Variants in EMX1 observed in about 807,000 individuals in gnomAD.
EMX1 encodes the protein homeobox protein EMX1.
A neutral mutation model predicts 20.1 loss-of-function variants in EMX1; 10 were observed. The observed-to-expected ratio is 0.50, with a 90% CI of 0.31 to 0.84. The LOEUF (loss-of-function observed/expected upper bound fraction) is 0.84. EMX1 is among the 40% of genes least tolerant of loss of function. The pLI is 0.05. For synonymous variants in EMX1, 250 were observed against 200.4 expected (o/e 1.25, Z -2.09); for missense variants, 424 against 431.9 (o/e 0.98, Z 0.16).
At chr2:72,928,277 T>C (rs138308192) in intron 2 of EMX1, among the ~76,000 whole-genome samples, 1 of 152,370 alleles carries the variant, frequency 6.6e-6, no homozygotes, top group Non-Finnish European at 1.5e-5. Flanking sequence ...GCTTCAGTCC[T>C]GGTGGCTGGT....
At chr2:72,931,750 G>C (rs1393362107) in intron 2 of EMX1, among the ~76,000 whole-genome samples, 1 of 152,244 alleles carries the variant, frequency 6.6e-6, no homozygotes, top group Non-Finnish European at 1.5e-5. Flanking sequence ...TCCATCCATC[G>C]AGGCCGGGCA....
chr2:72,933,548 A>G (rs996163808), intron 2 of EMX1: 3 of 537,016 alleles, frequency 5.6e-6, no homozygotes, highest in Non-Finnish European at 9.9e-6. Flanking sequence ...TTTGAGAGGA[A>G]CAGGAAAACC....
intron 2 of EMX1, 89 bp downstream of exon 2, chr2:72,924,582 C>T: frequency 4.3e-6 from 6 of 1,406,748 alleles, no homozygotes; most frequent in Non-Finnish European, 5.6e-6. Context: ...TGAGCCCGCC[C>T]CAGCCCAGCC....
chr2:72,920,400 C>T (rs1202549522), intron 1 of EMX1, among the ~76,000 whole-genome samples: 1 of 152,218 alleles, frequency 6.6e-6, no homozygotes, highest in African/African-American at 2.4e-5. Context: ...TTTTCGGACC[C>T]GGAAATCCGT....
At chr2:72,916,810 G>A, upstream of EMX1, 1 of 717,266 alleles carries the variant, frequency 1.4e-6, no homozygotes, top group Non-Finnish European at 2.6e-6. Flanking sequence ...ATCTCCCAGT[G>A]CCGAGGCCCG....
At chr2:72,918,714 A>G (rs1671044108) in intron 1 of EMX1, among the ~76,000 whole-genome samples, 1 of 150,732 alleles carries the variant, frequency 6.6e-6, no homozygotes, top group South Asian at 2.1e-4. Flanking sequence ...CCAGAGTACA[A>G]CTCCTCCCGC....
rs750833859 is a variant in EMX1, at chr2:72,924,289, C to G, written c.521-20C>G. Reference sequence around the variant, plus strand: ...CTCTGTCTGTACCTGCGTGTGTTGCCGTCGGCGGCGGGGCCGCAGCCAGCG... The same window carrying G: ...CTCTGTCTGTACCTGCGTGTGTTGCGGTCGGCGGCGGGGCCGCAGCCAGCG... On this transcript the variant is annotated intron_variant, in intron 1 of 2. Coordinates refer to ENST00000258106, the MANE Select transcript of EMX1 (RefSeq NM_004097.3). The G allele has an allele frequency of 1.9e-5, 29 of 1,556,098 alleles. No homozygotes were observed. The African/African-American group carries it at 3.0e-4, about 16-fold the overall frequency.
intron 2 of EMX1, 115 bp downstream of exon 2, chr2:72,924,608 AG>A: frequency 7.9e-7 from 1 of 1,261,958 alleles, no homozygotes; most frequent in Non-Finnish European, 1.1e-6. Context: ...GGGTTCCAAA[AG>A]GCCCCCATTC....
rs1671155873 is a variant in EMX1 at position 72,924,316 on chromosome 2, C to T, written c.528C>T (p.Asp176=). ...TCGGCGGCGGGGCCGCAGCCAGCGA[C>T]GTGCCCCAGGACGGGCTGCTTCTGC... The part of the protein sequence containing the change: ...RFFGHRFQAS[D]VPQDGLLLHG... Residue 176 remains aspartate, a synonymous_variant, in exon 2 of 3, where the codon GAC becomes GAT. Coordinates refer to ENST00000258106, the MANE Select transcript of EMX1 (RefSeq NM_004097.3). 2 of 1,566,696 alleles carry T rather than the reference C, an allele frequency of 1.3e-6. No homozygotes were observed. The highest frequency in any genetic ancestry group is 4.6e-5 in the East Asian group (2 of 43,430).
upstream of EMX1, chr2:72,916,413 A>AGGTG: frequency 2.0e-6 from 1 of 492,522 alleles, no homozygotes; most frequent in Non-Finnish European, 3.6e-6. Context: ...TGCGCCGGCA[A>AGGTG]GGTCCAGGTC....
chr2:72,917,333 C>A, upstream of EMX1: 1 of 408,454 alleles, frequency 2.4e-6, no homozygotes, highest in Non-Finnish European at 4.3e-6. Context: ...AGGGCGGAGT[C>A]GCGAGGAGAA....
chr2:72,919,180 TAC>T (rs70963149), intron 1 of EMX1, among the ~76,000 whole-genome samples: 8,894 of 142,280 alleles, frequency 0.063, 311 homozygotes, highest in African/African-American at 0.097. Flanking sequence ...CCACTGGCCC[TAC>T]ACACACACAC....
intron 1 of EMX1, among the ~76,000 whole-genome samples, chr2:72,919,247 AAG>A (rs1338032103): frequency 2.0e-5 from 3 of 151,998 alleles, no homozygotes; most frequent in African/African-American, 7.3e-5. Context: ...TCCCGGAGAA[AAG>A]AGAGTTGCAT....
chr2:72,925,541 G>T (rs1383382789), intron 2 of EMX1: 3 of 1,288,336 alleles, frequency 2.3e-6, no homozygotes, highest in Non-Finnish European at 3.0e-6. Context: ...GTTGCGAGAG[G>T]CCGGCTCCGC....
chr2:72,918,149 C>T lies in EMX1; in HGVS notation c.297C>T (p.Phe99=), dbSNP rs538093660. ...SAAEAAFVSG[F]PAAAAAGAGR... ...CCGAGGCGGCCTTCGTGAGTGGCTT[C>T]CCTGCCGCGGCCGCCGCGGGCGCGG... The change falls in exon 1 of 3, where the codon TTC becomes TTT. Residue 99 remains phenylalanine (F), a synonymous_variant. Transcript: ENST00000258106. The T allele has an allele frequency of 6.0e-6, 9 of 1,500,678 alleles. No homozygotes were observed. The Admixed American group carries it at 1.8e-4, about 30-fold the overall frequency. The allele number at this position is 1,500,678 out of a possible 1,614,324, so 93.0% of individuals were successfully genotyped here. A position where few individuals can be genotyped will look rare whatever the true frequency, so the allele number is the denominator to read the frequency against.
chr2:72,919,180 T>TACACACACACACACACACACAC (rs70963149), intron 1 of EMX1, among the ~76,000 whole-genome samples: 1 of 142,542 alleles, frequency 7.0e-6, no homozygotes, highest in Non-Finnish European at 1.5e-5. Flanking sequence ...CCACTGGCCC[T>TACACACACACACACACACACAC]ACACACACAC....
chr2:72,925,897 C>G, intron 2 of EMX1: 1 of 985,402 alleles, frequency 1.0e-6, no homozygotes, highest in Non-Finnish European at 1.2e-6. Flanking sequence ...ACTAGCTGGG[C>G]TGTTCTAACT....
intron 2 of EMX1, among the ~76,000 whole-genome samples, chr2:72,929,167 T>A (rs533458828): frequency 6.6e-6 from 1 of 152,298 alleles, no homozygotes; most frequent in South Asian, 2.1e-4. Flanking sequence ...TGTCCACATC[T>A]CTTCTCTAAG....
At chr2:72,927,231 C>G (rs543544009) in intron 2 of EMX1, among the ~76,000 whole-genome samples, 1 of 152,180 alleles carries the variant, frequency 6.6e-6, no homozygotes, top group Non-Finnish European at 1.5e-5. Flanking sequence ...GTGTTTCCAC[C>G]ATTCATCTCA....
Sources: gnomAD v4.1 joint callset for allele counts (sites outside exome capture counted in the v4.1 genomes callset) on GRCh38, gnomAD v4.1.1 for gene constraint, MANE v1.5 for transcripts, NCBI Gene and HGNC (gene_info 2026-07-23, HGNC 2026-07-21) for gene names.